The following DNAAF9 variants were observed in gnomAD, a reference collection of about 807,000 sequenced individuals.
The protein encoded by DNAAF9 is dynein axonemal assembly factor 9.
A neutral mutation model predicts 167.0 loss-of-function variants in DNAAF9; 90 were observed. The ratio of observed to expected loss-of-function variants is 0.54; its 90% confidence interval spans 0.45 to 0.64. DNAAF9 has a LOEUF of 0.64. Ranked by LOEUF, DNAAF9 falls within the 30% of genes least tolerant of loss-of-function variation. The pLI is 0.00. For synonymous variants in DNAAF9, 491 were observed against 508.8 expected (o/e 0.96, Z 0.47); for missense variants, 1,315 against 1,442.2 (o/e 0.91, Z 1.43).
rs59462924 is a variant in DNAAF9 at position 3,318,234 on chromosome 20, C to CAA, written c.1468+53_1468+54dup. 9.7e-3 allele frequency: 6,012 copies of CAA among 617,822 alleles called. 6 individuals are homozygous for CAA. The highest frequency in any genetic ancestry group is 0.012 in the Non-Finnish European group (4,163 of 355,368). The allele number at this position is 617,822 out of a possible 1,614,324, so 38.3% of individuals were successfully genotyped here. ...TGCCTTAGTTTATAGTTTATTTTGC[C>CAA]AAAAAAAAAAAAAAAAGGCTTAAGG... On this transcript the variant is annotated intron_variant, in intron 17 of 36. Transcript: ENST00000252032.
intron 33 of DNAAF9, among the ~76,000 whole-genome samples, chr20:3,258,687 G>A (rs540514023): frequency 2.4e-4 from 37 of 152,186 alleles, no homozygotes; most frequent in South Asian, 2.3e-3. Flanking sequence ...AAGAAGGGGA[G>A]GACACGAAGA....
intron 1 of DNAAF9, among the ~76,000 whole-genome samples, chr20:3,392,084 G>T (rs993196395): frequency 1.3e-5 from 2 of 152,168 alleles, no homozygotes; most frequent in Non-Finnish European, 2.9e-5. Flanking sequence ...TGAGGTGGGG[G>T]GATCACTTGA....
At chr20:3,303,225 G>C (rs1165758261) in intron 21 of DNAAF9, among the ~76,000 whole-genome samples, 1 of 149,474 alleles carries the variant, frequency 6.7e-6, no homozygotes, top group East Asian at 1.9e-4. Flanking sequence ...CTGGGCAACA[G>C]AGCGAGACTC....
intron 29 of DNAAF9, among the ~76,000 whole-genome samples, chr20:3,271,897 G>C (rs2068600752): frequency 1.3e-5 from 2 of 152,104 alleles, no homozygotes; most frequent in African/African-American, 4.8e-5. Flanking sequence ...GGGATTACAG[G>C]TGTGAGCCAC....
chr20:3,362,487 A>C (rs772531888), intron 6 of DNAAF9, among the ~76,000 whole-genome samples: 6 of 150,452 alleles, frequency 4.0e-5, no homozygotes, highest in African/African-American at 1.5e-4. Context: ...TCACCTGTAT[A>C]ATTTTTTTTT....
chr20:3,338,406 C>CT (rs548389417), intron 10 of DNAAF9, among the ~76,000 whole-genome samples: 200 of 152,098 alleles, frequency 1.3e-3, no homozygotes, highest in African/African-American at 4.4e-3. Context: ...GAGATTTTCT[C>CT]TTTGTCTTTG....
At chr20:3,321,434 A>C (rs2069614126) in intron 16 of DNAAF9, among the ~76,000 whole-genome samples, 1 of 152,240 alleles carries the variant, frequency 6.6e-6, no homozygotes, top group Non-Finnish European at 1.5e-5. Flanking sequence ...ATTTAGGCAT[A>C]TCTACACATA....
intron 20 of DNAAF9, among the ~76,000 whole-genome samples, chr20:3,307,364 G>A (rs1238811198): frequency 6.6e-6 from 1 of 152,126 alleles, no homozygotes; most frequent in Non-Finnish European, 1.5e-5. Context: ...CAGTAACTCT[G>A]CCATTATTCT....
Position 3,252,400 on chromosome 20 carries a change from T to A in DNAAF9, c.*172A>T. Reference sequence around the variant, plus strand: ...AAAATCAATGGTGCAGGTGATGCTCTTCAGCGCTATACAGGGAATAAAGAC... The same window carrying A: ...AAAATCAATGGTGCAGGTGATGCTCATCAGCGCTATACAGGGAATAAAGAC... On this transcript the variant is annotated 3_prime_UTR_variant, in exon 37 of 37. Transcript: ENST00000252032. 1.8e-6 allele frequency: 1 copy of A among 561,320 alleles called. No individual in the cohort carries two copies. Among genetic ancestry groups the A allele is most frequent in the Non-Finnish European group, 3.2e-6 (1 of 311,132 alleles). 34.8% of individuals were successfully genotyped at this position (561,320 alleles called of 1,614,324 possible).
At position 3,378,815 on chromosome 20, in the gene DNAAF9, T is replaced by C. The variant is rs527831027; in HGVS notation, c.284-2513A>G. On this transcript the variant is annotated intron_variant, in intron 3 of 36. Transcript: ENST00000252032. The stretch of plus-strand genomic sequence containing the variant: ...GACCACATCTGACCACACAGCTGAG[T>C]GGCCTCCTGAAATAAAACTCCATGG... 2.0e-5 allele frequency among the ~76,000 whole-genome samples: 3 copies of C among 152,240 alleles called. No individual in the cohort carries two copies. In the South Asian group the frequency reaches 6.2e-4, roughly 32 times the overall value.
chr20:3,269,233 A>T (rs1487812314), intron 30 of DNAAF9, among the ~76,000 whole-genome samples: 6 of 150,372 alleles, frequency 4.0e-5, no homozygotes, highest in Non-Finnish European at 8.9e-5. Flanking sequence ...TTTAATAGAC[A>T]AAGTCTCACT....
intron 21 of DNAAF9, 151 bp downstream of exon 21, chr20:3,304,289 C>G (rs117544442): frequency 3.0e-6 from 2 of 656,736 alleles, no homozygotes; most frequent in Admixed American, 5.6e-5. Flanking sequence ...GGCCTCTCCA[C>G]GACCTCCCTC....
At position 3,394,949 on chromosome 20, in the gene DNAAF9, C is replaced by CTTTTTTTTTTTTT. The variant is rs10522445; in HGVS notation, c.84-12456_84-12444dup. 4.1e-4 allele frequency among the ~76,000 whole-genome samples: 42 copies of CTTTTTTTTTTTTT among 102,130 alleles called. 6 individuals carry two copies. The highest frequency in any genetic ancestry group is 6.3e-4 in the Non-Finnish European group (33 of 52,754). The allele number at this position is 102,130 out of a possible 152,430, so 67.0% of individuals were successfully genotyped here. A position where few individuals can be genotyped will look rare whatever the true frequency, so the allele number is the denominator to read the frequency against. On this transcript the variant is annotated intron_variant, in intron 1 of 36. Transcript: ENST00000252032. ...GCTTTTACTGAACATTTTCTTTTTT[C>CTTTTTTTTTTTTT]TTTTTTTTTTTTTTTTTTTTTTTTT...
intron 10 of DNAAF9, among the ~76,000 whole-genome samples, chr20:3,336,549 T>C (rs1487652330): frequency 6.6e-6 from 1 of 152,026 alleles, no homozygotes; most frequent in African/African-American, 2.4e-5. Flanking sequence ...ATTTGACTAC[T>C]GTTATTTATT....
intron 32 of DNAAF9, 73 bp downstream of exon 32, chr20:3,259,849 A>G: frequency 2.3e-6 from 2 of 864,218 alleles, no homozygotes; most frequent in African/African-American, 1.7e-5. Context: ...GAATACTGAA[A>G]TGGTACCAGG....
chr20:3,347,520 G>A (rs2070217283), intron 8 of DNAAF9, among the ~76,000 whole-genome samples: 1 of 152,184 alleles, frequency 6.6e-6, no homozygotes. Flanking sequence ...CCAAAAGGCT[G>A]AGAAGCGATA....
intron 33 of DNAAF9, among the ~76,000 whole-genome samples, chr20:3,257,608 A>G (rs1466482370): frequency 1.3e-5 from 2 of 151,522 alleles, no homozygotes; most frequent in African/African-American, 4.8e-5. Context: ...CAGTGGCACA[A>G]TCTCGGCTCA....
chr20:3,370,901 G>A (rs893002831), intron 6 of DNAAF9, among the ~76,000 whole-genome samples: 1 of 152,092 alleles, frequency 6.6e-6, no homozygotes, highest in Non-Finnish European at 1.5e-5. Context: ...GGGTGGAGGT[G>A]GCATCTGCAA....
intron 20 of DNAAF9, among the ~76,000 whole-genome samples, chr20:3,305,800 G>T (rs754809890): frequency 8.5e-5 from 13 of 152,220 alleles, no homozygotes; most frequent in Non-Finnish European, 1.3e-4. Context: ...CCCGTCAGAG[G>T]GACATGCCAA....
Sources: gnomAD v4.1 joint callset for allele counts (sites outside exome capture counted in the v4.1 genomes callset) on GRCh38, gnomAD v4.1.1 for gene constraint, MANE v1.5 for transcripts, NCBI Gene and HGNC (gene_info 2026-07-23, HGNC 2026-07-21) for gene names.